Variants in SYNPR observed in about 807,000 individuals in gnomAD.
The protein encoded by SYNPR is synaptoporin.
SYNPR carries 23 observed loss-of-function variants against 32.9 expected under a neutral mutation model. The observed-to-expected ratio is 0.70, with a 90% CI of 0.50 to 0.99. The LOEUF is 0.99. Ranked by LOEUF, SYNPR falls within the 50% of genes least tolerant of loss-of-function variation. The probability of loss-of-function intolerance (pLI) is 0.00; values close to 1 mark genes in which losing one functional copy is unlikely to be tolerated. For missense variants in SYNPR, 318 were observed against 349.3 expected (o/e 0.91, Z 0.71); for synonymous variants, 146 against 135.9 (o/e 1.07, Z -0.52).
chr3:63,583,677 C>A (rs1400266948), intron 4 of SYNPR, among the ~76,000 whole-genome samples: 1 of 151,970 alleles, frequency 6.6e-6, no homozygotes, highest in Non-Finnish European at 1.5e-5. Flanking sequence ...TTAATGTAGG[C>A]GGAGATGAGT....
chr3:63,368,045 C>A (rs555072262), intron 2 of SYNPR, among the ~76,000 whole-genome samples: 4 of 152,016 alleles, frequency 2.6e-5, no homozygotes, highest in African/African-American at 9.7e-5. Context: ...TATTGAGAAA[C>A]GAGACATTGA....
intron 3 of SYNPR, among the ~76,000 whole-genome samples, chr3:63,556,119 G>A (rs563872099): frequency 2.4e-3 from 360 of 152,302 alleles, no homozygotes; most frequent in Non-Finnish European, 3.1e-3. Flanking sequence ...ACAGAAAGCA[G>A]GCCAATGTAG....
At chr3:63,521,206 G>C (rs1191405862) in intron 3 of SYNPR, among the ~76,000 whole-genome samples, 1 of 152,092 alleles carries the variant, frequency 6.6e-6, no homozygotes, top group Admixed American at 6.5e-5. Context: ...ATCACTTGGA[G>C]GTCCCCAGTT....
intron 2 of SYNPR, among the ~76,000 whole-genome samples, chr3:63,291,731 T>C (rs930033854): frequency 6.6e-6 from 1 of 152,182 alleles, no homozygotes; most frequent in Non-Finnish European, 1.5e-5. Flanking sequence ...TTTGTGAAAT[T>C]GATAGTGGCA....
At chr3:63,408,431 T>C (rs2088418586) in intron 2 of SYNPR, among the ~76,000 whole-genome samples, 1 of 152,086 alleles carries the variant, frequency 6.6e-6, no homozygotes, top group African/African-American at 2.4e-5. Context: ...TCATGGAGGC[T>C]GATGAGTTCC....
chr3:63,507,714 G>A (rs1346176595), intron 3 of SYNPR, among the ~76,000 whole-genome samples: 1 of 152,092 alleles, frequency 6.6e-6, no homozygotes, highest in Non-Finnish European at 1.5e-5. Context: ...CATTTAATCA[G>A]GGGAAACTAG....
chr3:63,253,547 A>G (rs1447018945), intron 2 of SYNPR, among the ~76,000 whole-genome samples: 1 of 152,222 alleles, frequency 6.6e-6, no homozygotes, highest in Non-Finnish European at 1.5e-5. Flanking sequence ...AGATTTTTAA[A>G]TAAAAGATAC....
intron 4 of SYNPR, among the ~76,000 whole-genome samples, chr3:63,604,230 T>G (rs11718367): frequency 0.62 from 94,581 of 151,996 alleles, 29,615 homozygotes; most frequent in African/African-American, 0.68. Flanking sequence ...ATTTGGAACT[T>G]CTATTTTGTT....
chr3:63,255,689 A>G (rs2086375896), intron 2 of SYNPR, among the ~76,000 whole-genome samples: 1 of 152,146 alleles, frequency 6.6e-6, no homozygotes, highest in Non-Finnish European at 1.5e-5. Flanking sequence ...AAGATGGGTG[A>G]TTTCTGCATT....
At chr3:63,381,810 G>A (rs111758284) in intron 2 of SYNPR, among the ~76,000 whole-genome samples, 1 of 151,768 alleles carries the variant, frequency 6.6e-6, no homozygotes, top group Non-Finnish European at 1.5e-5. Flanking sequence ...CCTTTTTCCT[G>A]CCTTCCTGTG....
intron 2 of SYNPR, among the ~76,000 whole-genome samples, chr3:63,452,336 C>T (rs542114463): frequency 6.6e-6 from 1 of 152,194 alleles, no homozygotes; most frequent in African/African-American, 2.4e-5. Context: ...ATAGTAAGTG[C>T]TAAAAATAAA....
intron 4 of SYNPR, among the ~76,000 whole-genome samples, chr3:63,557,521 A>C (rs1702615387): frequency 6.6e-6 from 1 of 152,214 alleles, no homozygotes; most frequent in African/African-American, 2.4e-5. Context: ...GACCATTGAA[A>C]TATTGGTGCT....
intron 5 of SYNPR, among the ~76,000 whole-genome samples, chr3:63,613,831 A>G (rs116032935): frequency 0.017 from 2,590 of 152,206 alleles, 71 homozygotes; most frequent in African/African-American, 0.058. Flanking sequence ...AAAAACAAAA[A>G]TGAAGTCTAC....
chr3:63,493,464 CAAT>C (rs1182692094), intron 3 of SYNPR, among the ~76,000 whole-genome samples: 1 of 151,884 alleles, frequency 6.6e-6, no homozygotes, highest in African/African-American at 2.4e-5. Context: ...TAGACTCTCT[CAAT>C]GATAGGTTGA....
chr3:63,378,930 A>G (rs1263780817), intron 2 of SYNPR, among the ~76,000 whole-genome samples: 1 of 152,128 alleles, frequency 6.6e-6, no homozygotes, highest in Non-Finnish European at 1.5e-5. Context: ...GGTTTGTATT[A>G]TAAGTATGTT....
chr3:63,391,385 A>G (rs2088135540), intron 2 of SYNPR, among the ~76,000 whole-genome samples: 2 of 152,234 alleles, frequency 1.3e-5, no homozygotes, highest in South Asian at 4.1e-4. Context: ...CTGAGCATCA[A>G]CTTTGTGCCT....
chr3:63,262,197 T>C (rs1178809290), intron 2 of SYNPR, among the ~76,000 whole-genome samples: 1 of 151,892 alleles, frequency 6.6e-6, no homozygotes, highest in Non-Finnish European at 1.5e-5. Flanking sequence ...CACCGCTGAA[T>C]TGGGGTATGC....
At position 63,443,180 on chromosome 3, in the gene SYNPR, G is replaced by C. The variant is rs997306403; in HGVS notation, c.85-37652G>C. ...AGCAGGCAGCGTTCACCAGAGGGGA[G>C]TATCAGGTTCCTGTACTCAGCTGTG... On this transcript the variant is annotated intron_variant, in intron 2 of 5. Transcript: ENST00000478300. 20 of 1,244,936 alleles carry C rather than the reference G, an allele frequency of 1.6e-5. No homozygotes were observed. The African/African-American group carries it at 2.9e-4, about 18-fold the overall frequency. 77.1% of individuals were successfully genotyped at this position (1,244,936 alleles called of 1,614,324 possible). A position where few individuals can be genotyped will look rare whatever the true frequency, so the allele number is the denominator to read the frequency against.
chr3:63,252,790 T>G (rs138775058), intron 2 of SYNPR, among the ~76,000 whole-genome samples: 1 of 152,258 alleles, frequency 6.6e-6, no homozygotes, highest in Non-Finnish European at 1.5e-5. Flanking sequence ...CCTGTAATCT[T>G]AGCACGTTGG....
Sources: allele counts gnomAD v4.1 joint callset (sites outside exome capture counted in the v4.1 genomes callset), GRCh38; gene constraint gnomAD v4.1.1; transcripts MANE v1.5; gene names NCBI Gene and HGNC (gene_info 2026-07-23, HGNC 2026-07-21).